The following NAV2 variants were observed in gnomAD, a reference collection of about 807,000 sequenced individuals.
The protein encoded by NAV2 is helicase, APC down-regulated 1.
A neutral mutation model predicts 223.2 loss-of-function variants in NAV2; 54 were observed. That is an observed-to-expected ratio of 0.24 (90% confidence interval 0.19 to 0.30). NAV2 has a LOEUF of 0.30. NAV2 is among the 10% of genes least tolerant of loss of function. NAV2 has a pLI of 1.00. For synonymous variants in NAV2, 1,279 were observed against 1,239.3 expected (o/e 1.03, Z -0.67); for missense variants, 2,806 against 3,147.5 (o/e 0.89, Z 2.60).
At chr11:19,967,052 C>T (rs192101884) in intron 10 of NAV2, among the ~76,000 whole-genome samples, 3 of 152,228 alleles carry the variant, frequency 2.0e-5, no homozygotes, top group Admixed American at 1.3e-4. Flanking sequence ...ATTGAATTCT[C>T]GTAGAAATCC....
intron 1 of NAV2, among the ~76,000 whole-genome samples, chr11:19,512,458 C>A (rs908946892): frequency 4.6e-5 from 7 of 151,996 alleles, no homozygotes; most frequent in Non-Finnish European, 1.0e-4. Flanking sequence ...CTGGGGAGAA[C>A]CAGAGAGGGA....
At chr11:19,521,181 C>A (rs550683940) in intron 1 of NAV2, among the ~76,000 whole-genome samples, 103 of 152,240 alleles carry the variant, frequency 6.8e-4, no homozygotes, top group African/African-American at 2.4e-3. Context: ...TTGGGTCATT[C>A]ATAGTGGGTG....
intron 27 of NAV2, 97 bp from the exon 28 acceptor site, chr11:20,092,109 C>A: frequency 8.1e-7 from 1 of 1,227,384 alleles, no homozygotes; most frequent in Non-Finnish European, 1.2e-6. Flanking sequence ...GGAAGACCAG[C>A]CTGGTTTCTG....
intron 1 of NAV2, among the ~76,000 whole-genome samples, chr11:19,564,938 C>T (rs1049130686): frequency 3.9e-5 from 6 of 152,210 alleles, no homozygotes; most frequent in African/African-American, 1.4e-4. Flanking sequence ...AGTTCAAGAC[C>T]AGCCTGGTCA....
intron 30 of NAV2, among the ~76,000 whole-genome samples, chr11:20,096,770 C>T (rs905995166): frequency 6.6e-6 from 1 of 152,196 alleles, no homozygotes; most frequent in Non-Finnish European, 1.5e-5. Context: ...GATTGGTCCC[C>T]ATCCTGGTAA....
chr11:19,713,473 C>A lies in NAV2; in HGVS notation c.-223C>A. On this transcript the variant is annotated 5_prime_UTR_variant, in exon 1 of 38. It adds an upstream start codon to the 5' untranslated region. Transcript: ENST00000349880. The surrounding 1 kb of genome is among the most constrained non-coding windows in gnomAD (Gnocchi z 7.2). Reference sequence around the variant, plus strand: ...GCAGCATCCGTCCAGGTGGGACCCGCTGAGCGCCGTGGCCAGTCCCCCATT... The same window carrying A: ...GCAGCATCCGTCCAGGTGGGACCCGATGAGCGCCGTGGCCAGTCCCCCATT... 7.4e-7 allele frequency: 1 copy of A among 1,345,384 alleles called. No individual in the cohort carries two copies. The highest frequency in any genetic ancestry group is 9.5e-7 in the Non-Finnish European group (1 of 1,054,590). The allele number at this position is 1,345,384 out of a possible 1,614,324, so 83.3% of individuals were successfully genotyped here. A position where few individuals can be genotyped will look rare whatever the true frequency, so the allele number is the denominator to read the frequency against.
At chr11:19,486,249 T>C (rs1253053371) in intron 1 of NAV2, among the ~76,000 whole-genome samples, 1 of 152,094 alleles carries the variant, frequency 6.6e-6, no homozygotes, top group Non-Finnish European at 1.5e-5. Flanking sequence ...AGGTCTTAGG[T>C]GCATCCATTT....
At chr11:19,763,587 G>T (rs933315144) in intron 1 of NAV2, among the ~76,000 whole-genome samples, 1 of 152,134 alleles carries the variant, frequency 6.6e-6, no homozygotes, top group South Asian at 2.1e-4. Flanking sequence ...TGTCAATGTG[G>T]AAGTGAATGA....
chr11:19,870,394 T>C (rs1229241091), intron 4 of NAV2, among the ~76,000 whole-genome samples: 1 of 152,162 alleles, frequency 6.6e-6, no homozygotes, highest in Non-Finnish European at 1.5e-5. Flanking sequence ...CTTGAACTCC[T>C]GGGACAGGCC....
intron 6 of NAV2, among the ~76,000 whole-genome samples, chr11:19,926,992 C>T (rs2044814813): frequency 6.6e-6 from 1 of 152,210 alleles, no homozygotes; most frequent in South Asian, 2.1e-4. Context: ...CTTTATTTAT[C>T]TGCTTTAAAC....
intron 1 of NAV2, among the ~76,000 whole-genome samples, chr11:19,585,355 A>C (rs1450750850): frequency 2.0e-5 from 3 of 152,140 alleles, no homozygotes; most frequent in Non-Finnish European, 4.4e-5. Context: ...TCTGTCTTTT[A>C]ATTGGAGCAT....
intron 3 of NAV2, among the ~76,000 whole-genome samples, chr11:19,858,457 C>CTGTATTAT (rs2061509432): frequency 6.6e-6 from 1 of 152,162 alleles, no homozygotes; most frequent in Non-Finnish European, 1.5e-5. Flanking sequence ...ATCCATTTAT[C>CTGTATTAT]CTTTGATGCG....
chr11:19,945,350 TCCTTCCCTTC>T (rs1019309379), intron 8 of NAV2, among the ~76,000 whole-genome samples: 2 of 100,278 alleles, frequency 2.0e-5, no homozygotes, highest in African/African-American at 4.0e-5. Context: ...TCCTTCCCTT[TCCTTCCCTTC>T]CCTTCCTTTC....
chr11:19,570,100 A>G (rs1352563495), intron 1 of NAV2, among the ~76,000 whole-genome samples: 4 of 152,032 alleles, frequency 2.6e-5, no homozygotes, highest in African/African-American at 9.7e-5. Flanking sequence ...ACCTATCACT[A>G]CCTACATTAT....
intron 1 of NAV2, among the ~76,000 whole-genome samples, chr11:19,579,088 T>C (rs956777456): frequency 1.2e-4 from 18 of 152,142 alleles, no homozygotes; most frequent in Admixed American, 2.0e-4. Context: ...ATAAAAGCCA[T>C]ATGATGTGTA....
intron 1 of NAV2, among the ~76,000 whole-genome samples, chr11:19,416,123 G>C (rs773428571): frequency 1.3e-5 from 2 of 151,998 alleles, no homozygotes; most frequent in African/African-American, 2.4e-5. Flanking sequence ...AGAAATAAAG[G>C]GTATTCAAAT....
intron 1 of NAV2, among the ~76,000 whole-genome samples, chr11:19,388,673 G>A (rs1032525250): frequency 4.6e-5 from 7 of 152,144 alleles, no homozygotes; most frequent in Admixed American, 1.3e-4. Context: ...AGAGACTTAC[G>A]AAATAAACGT....
chr11:19,377,671 ACCTG>A (rs761988370), intron 1 of NAV2, among the ~76,000 whole-genome samples: 50,344 of 151,676 alleles, frequency 0.33, 8,484 homozygotes, highest in East Asian at 0.49. Context: ...GAGATTTCCA[ACCTG>A]AATGGGTATT....
intron 1 of NAV2, among the ~76,000 whole-genome samples, chr11:19,378,938 G>A (rs1207820795): frequency 6.6e-6 from 1 of 152,192 alleles, no homozygotes; most frequent in Non-Finnish European, 1.5e-5. Flanking sequence ...AAGTGTGTCA[G>A]CAGAGGCCCA....
Sources: gnomAD v4.1 joint callset for allele counts (sites outside exome capture counted in the v4.1 genomes callset) on GRCh38, gnomAD v4.1.1 for gene constraint, Gnocchi (gnomAD v3.1) non-coding constraint, MANE v1.5 for transcripts, NCBI Gene and HGNC (gene_info 2026-07-23, HGNC 2026-07-21) for gene names.